Variants in CPE observed in about 807,000 individuals in gnomAD.
CPE encodes the protein carbocypeptidase E.
A neutral mutation model predicts 53.5 loss-of-function variants in CPE; 17 were observed. The ratio of observed to expected loss-of-function variants is 0.32; its 90% CI spans 0.22 to 0.48. CPE has a LOEUF of 0.48. Ranked by LOEUF, CPE falls within the 20% of genes least tolerant of loss-of-function variation. CPE has a pLI of 0.99. For synonymous variants in CPE, 226 were observed against 228.8 expected (o/e 0.99, Z 0.11); for missense variants, 524 against 614.7 (o/e 0.85, Z 1.56).
intron 1 of CPE, among the ~76,000 whole-genome samples, chr4:165,452,554 A>T (rs1731830788): frequency 6.6e-6 from 1 of 152,036 alleles, no homozygotes; most frequent in South Asian, 2.1e-4. Flanking sequence ...AAATTTGTAA[A>T]ATCTTTGTAC....
intron 1 of CPE, among the ~76,000 whole-genome samples, chr4:165,421,901 TC>T (rs1368284561): frequency 7.9e-5 from 12 of 152,196 alleles, no homozygotes; most frequent in African/African-American, 2.4e-4. Context: ...ATTAATTATT[TC>T]TGTTTTTTAA....
rs1199509887 is a variant in CPE, at chr4:165,435,437, A to G, written c.308-28953A>G. 2.0e-5 allele frequency among the ~76,000 whole-genome samples: 3 copies of G among 152,322 alleles called. No individual in the cohort carries two copies. In the East Asian group the frequency reaches 5.8e-4, roughly 29 times the overall value. On this transcript the variant is annotated intron_variant, in intron 1 of 8. Coordinates refer to ENST00000402744, the MANE Select transcript of CPE (RefSeq NM_001873.4). The stretch of plus-strand genomic sequence containing the variant: ...GTTTATAAGAGCAGATATGTAACCA[A>G]TTTATTAGTGGAACATGTTATGGGT...
At position 165,413,748 on chromosome 4, in the gene CPE, C is replaced by G. The variant is rs183341528; in HGVS notation, c.307+34220C>G. 7.0e-4 allele frequency among the ~76,000 whole-genome samples: 106 copies of G among 152,278 alleles called. 2 individuals carry two copies. Among genetic ancestry groups the G allele is most frequent in the Middle Eastern group, 3.4e-3 (1 of 294 alleles). On this transcript the variant is annotated intron_variant, in intron 1 of 8. Transcript: ENST00000402744. ...AGAGGAGGGGACAACCAACACAGCTCAAGAGGTCACAGAAGATGTCATGTA... is the reference window on the plus strand; with the variant it reads ...AGAGGAGGGGACAACCAACACAGCTGAAGAGGTCACAGAAGATGTCATGTA...
Position 165,461,510 on chromosome 4 carries a change from G to A in CPE, c.308-2880G>A, listed in dbSNP as rs554587382. On this transcript the variant is annotated intron_variant, in intron 1 of 8. Transcript: ENST00000402744. ...GTGGAGGTGACCTGAGGAGGGTTGC[G>A]TTTTAAAAAGAAAGCTTTGGCCTTG... Among the ~76,000 whole-genome samples the A allele has an allele frequency of 4.3e-4, 65 of 152,140 alleles. No individual in the cohort carries two copies. The South Asian group carries it at 0.011, about 27-fold the overall frequency.
intron 1 of CPE, among the ~76,000 whole-genome samples, chr4:165,423,239 A>G (rs1731256658): frequency 6.6e-6 from 1 of 152,184 alleles, no homozygotes; most frequent in Non-Finnish European, 1.5e-5. Flanking sequence ...CTTAGTAGCT[A>G]TCGTTTTTAG....
chr4:165,379,547 G>C lies in CPE; in HGVS notation c.307+19G>C. On this transcript the variant is annotated intron_variant, in intron 1 of 8. Transcript: ENST00000402744. This position sits in a 1 kb window ranked among gnomAD's most constrained non-coding sequence, Gnocchi z 6.0. ...GAGCCTGGTAAGGGCGCTGCCCCCT[G>C]ACAGCCCTGGGGGCATCCCGGAGGG... 7.0e-7 allele frequency: 1 copy of C among 1,435,670 alleles called. No homozygotes were observed. The highest frequency in any genetic ancestry group is 1.2e-5 in the South Asian group (1 of 80,986). The allele number at this position is 1,435,670 out of a possible 1,614,324, so 88.9% of individuals were successfully genotyped here.
In CPE at chr4:165,476,457, A is replaced by G. The variant is rs1043287123; in HGVS notation, c.673-5785A>G. On this transcript the variant is annotated intron_variant, in intron 3 of 8. Transcript: ENST00000402744. ...CGTCCCTTACCAGTCCAGTGTTCCT[A>G]GAGGAAGGTCATATACCAGTTAAAC... Among the ~76,000 whole-genome samples, 70 of 151,070 alleles carry G rather than the reference A, an allele frequency of 4.6e-4. 1 individual carries two copies. The highest frequency in any genetic ancestry group is 8.7e-4 in the Non-Finnish European group (59 of 67,718).
Position 165,497,724 on chromosome 4 carries a change from A to G in CPE, c.*114A>G, listed in dbSNP as rs367838477. On this transcript the variant is annotated 3_prime_UTR_variant, in exon 9 of 9. Transcript: ENST00000402744. ...CTTAACATTGATTTATTTTTTAATC[A>G]TTTAAATATTAATCAACTTTCCTTA... 1 of 442,006 alleles carries G rather than the reference A, an allele frequency of 2.3e-6. No homozygotes were observed. Among genetic ancestry groups the G allele is most frequent in the Non-Finnish European group, 3.8e-6 (1 of 265,562 alleles). 27.4% of individuals were successfully genotyped at this position (442,006 alleles called of 1,614,324 possible).
chr4:165,448,059 T>G lies in CPE; in HGVS notation c.308-16331T>G, dbSNP rs530322045. ...ACATATGTACATATCCACAAGGATG[T>G]TTATTGCCTTTTCAGAAGGTTCATC... On this transcript the variant is annotated intron_variant, in intron 1 of 8. Transcript: ENST00000402744. Among the ~76,000 whole-genome samples, 26 of 152,320 alleles carry G rather than the reference T, an allele frequency of 1.7e-4. 1 individual carries two copies. In the South Asian group the frequency reaches 5.2e-3, roughly 30 times the overall value.
intron 1 of CPE, among the ~76,000 whole-genome samples, chr4:165,454,209 G>T (rs1731861778): frequency 6.6e-6 from 1 of 152,176 alleles, no homozygotes; most frequent in Non-Finnish European, 1.5e-5. Flanking sequence ...GGGAGAGATG[G>T]CTTCTGGATT....
intron 1 of CPE, among the ~76,000 whole-genome samples, chr4:165,440,865 CCTT>C (rs140804128): frequency 0.025 from 3,766 of 152,098 alleles, 158 homozygotes; most frequent in African/African-American, 0.079. Flanking sequence ...CTGGTGTGCT[CCTT>C]CTTTCATGTG....
chr4:165,478,137 A>C (rs967854337), intron 3 of CPE, among the ~76,000 whole-genome samples: 2 of 152,234 alleles, frequency 1.3e-5, no homozygotes, highest in African/African-American at 4.8e-5. Context: ...AACATAATTT[A>C]AGAACCAAAG....
At chr4:165,384,091 C>T (rs1164238187) in intron 1 of CPE, among the ~76,000 whole-genome samples, 1 of 152,170 alleles carries the variant, frequency 6.6e-6, no homozygotes, top group Admixed American at 6.5e-5. Flanking sequence ...ACCGTCTTAC[C>T]ACGGGGCGAA....
chr4:165,464,471 A>G lies in CPE; in HGVS notation c.389A>G (p.Tyr130Cys). 6.2e-7 allele frequency: 1 copy of G among 1,613,992 alleles called. No homozygotes were observed. Among genetic ancestry groups the G allele is most frequent in the Non-Finnish European group, 8.5e-7 (1 of 1,179,940 alleles). ...GRELLIFLAQ[Y>C]LCNEYQKGNE... ...GAACTGCTCATTTTCTTGGCCCAGTACCTATGCAACGAATACCAGAAGGGG... is the reference window on the plus strand; with the variant it reads ...GAACTGCTCATTTTCTTGGCCCAGTGCCTATGCAACGAATACCAGAAGGGG... Residue 130 changes from tyrosine (Y) to cysteine (C), a missense_variant, in exon 2 of 9, where the codon TAC (tyrosine) becomes TGC (cysteine). Transcript: ENST00000402744.
chr4:165,474,406 A>G (rs915275999), intron 3 of CPE, among the ~76,000 whole-genome samples: 4 of 152,196 alleles, frequency 2.6e-5, no homozygotes, highest in African/African-American at 9.7e-5. Context: ...TGAGGAGTAT[A>G]TCCTGTGGTA....
intron 1 of CPE, among the ~76,000 whole-genome samples, chr4:165,424,279 GTACA>G: frequency 6.6e-6 from 1 of 150,812 alleles, no homozygotes; most frequent in South Asian, 2.1e-4. Flanking sequence ...TGATATGCAT[GTACA>G]TACTCTGTTT....
chr4:165,451,135 G>A (rs573562618), intron 1 of CPE, among the ~76,000 whole-genome samples: 1 of 152,270 alleles, frequency 6.6e-6, no homozygotes, highest in African/African-American at 2.4e-5. Flanking sequence ...AGGATCTTCC[G>A]TTGCTTCACG....
At chr4:165,404,947 G>A (rs1051536772) in intron 1 of CPE, 52 of 758,202 alleles carry the variant, frequency 6.9e-5, no homozygotes, top group Middle Eastern at 3.4e-4. Context: ...TAGCAAAGAC[G>A]TAGTGATCTG....
At chr4:165,451,038 G>A (rs539421492) in intron 1 of CPE, among the ~76,000 whole-genome samples, 3 of 152,334 alleles carry the variant, frequency 2.0e-5, no homozygotes, top group South Asian at 4.1e-4. Flanking sequence ...CCACTGACAA[G>A]CCGCATGGCA....
Sources: allele counts gnomAD v4.1 joint callset (sites outside exome capture counted in the v4.1 genomes callset), GRCh38; gene constraint gnomAD v4.1.1; non-coding constraint Gnocchi (gnomAD v3.1); transcripts MANE v1.5; gene names NCBI Gene and HGNC (gene_info 2026-07-23, HGNC 2026-07-21).